SASS6: variants seen among roughly 807,000 people sequenced by gnomAD.
SASS6 encodes the protein SAS-6 centriolar assembly protein.
In SASS6, 59 loss-of-function variants were observed where a neutral mutation model predicts 94.9. That is an observed-to-expected ratio of 0.62 (90% CI 0.50 to 0.77). SASS6 has a LOEUF of 0.77. Ranked by LOEUF, SASS6 falls within the 30% of genes least tolerant of loss-of-function variation. The pLI, the probability that SASS6 is intolerant of heterozygous loss-of-function variation, is 0.00. For missense variants in SASS6, 698 were observed against 734.1 expected (o/e 0.95, Z 0.57); for synonymous variants, 264 against 270.0 (o/e 0.98, Z 0.22).
At position 100,112,813 on chromosome 1, in the gene SASS6, G is replaced by T. The variant is rs555009110; in HGVS notation, c.670-2330C>A. Among the ~76,000 whole-genome samples the T allele has an allele frequency of 1.5e-3, 233 of 152,302 alleles. 2 individuals carry two copies. The highest frequency in any genetic ancestry group is 3.4e-3 in the Middle Eastern group (1 of 294). On this transcript the variant is annotated intron_variant, in intron 7 of 16. Transcript: ENST00000287482. ...TCGGTATCAGCTAAGAACCTATCAG[G>T]AAATCAAGTTCCTGGACTCCACCCC...
chr1:100,128,845 C>G (rs1417039592), intron 1 of SASS6, among the ~76,000 whole-genome samples: 1 of 152,208 alleles, frequency 6.6e-6, no homozygotes, highest in East Asian at 1.9e-4. Context: ...TAGGCCATCT[C>G]TGACACCCAG....
Position 100,120,383 on chromosome 1 carries a change from A to C in SASS6, c.549+11T>G, listed in dbSNP as rs1570706865. 1 of 1,414,788 alleles carries C rather than the reference A, an allele frequency of 7.1e-7. No individual in the cohort carries two copies. The highest frequency in any genetic ancestry group is 2.3e-5 in the East Asian group (1 of 43,834). The allele number at this position is 1,414,788 out of a possible 1,614,324, so 87.6% of individuals were successfully genotyped here. A position where few individuals can be genotyped will look rare whatever the true frequency, so the allele number is the denominator to read the frequency against. Reference sequence around the variant, plus strand: ...GGATGACTTACAAAGACAAAATGAAATTTGAATTACCTTTCGTGTAAAGTC... The same window carrying C: ...GGATGACTTACAAAGACAAAATGAACTTTGAATTACCTTTCGTGTAAAGTC... On this transcript the variant is annotated intron_variant, in intron 6 of 16. Transcript: ENST00000287482.
chr1:100,105,952 T>C (rs2101660929), intron 12 of SASS6, 49 bp from the exon 13 acceptor site: 1 of 1,251,616 alleles, frequency 8.0e-7, no homozygotes, highest in East Asian at 2.5e-5. Context: ...ACTGTTTATT[T>C]TTCTAATCAT....
Position 100,106,940 on chromosome 1 carries a change from G to A in SASS6, c.1380C>T (p.Ser460=). ...TTTCATTATTTTTTAGAAGTTGTTT[G>A]CTTTCTTCAAGTTTTTTAACTGTAG... ...LEATVKKLEE[S]KQLLKNNEKL... Residue 460 remains serine (S), a synonymous_variant, in exon 12 of 17, where the codon AGC becomes AGT. Transcript: ENST00000287482. 7.1e-7 allele frequency: 1 copy of A among 1,406,642 alleles called. No individual in the cohort carries two copies. The highest frequency in any genetic ancestry group is 1.0e-6 in the Non-Finnish European group (1 of 995,964). The allele number at this position is 1,406,642 out of a possible 1,614,324, so 87.1% of individuals were successfully genotyped here.
At position 100,107,557 on chromosome 1, in the gene SASS6, T is replaced by C. The variant is rs768033326; in HGVS notation, c.1147-4A>G. The C allele has an allele frequency of 5.7e-6, 9 of 1,588,228 alleles. No individual in the cohort carries two copies. Among genetic ancestry groups the C allele is most frequent in the South Asian group, 1.1e-5 (1 of 87,596 alleles). On this transcript the variant is annotated splice_region_variant and splice_polypyrimidine_tract_variant and intron_variant, in intron 10 of 16. Transcript: ENST00000287482. ...ACTTCTTGATAATTTCATTTGCCTATAAAAGAGCTTCATATGTATATTTCT... is the reference window on the plus strand; with the variant it reads ...ACTTCTTGATAATTTCATTTGCCTACAAAAGAGCTTCATATGTATATTTCT...
At chr1:100,126,820 AG>A (rs1654655686) in intron 1 of SASS6, among the ~76,000 whole-genome samples, 1 of 152,242 alleles carries the variant, frequency 6.6e-6, no homozygotes, top group South Asian at 2.1e-4. Flanking sequence ...AAGCGATATT[AG>A]AATGCTTTGA....
chr1:100,129,833 A>C (rs1219018351), intron 1 of SASS6, among the ~76,000 whole-genome samples: 1 of 152,172 alleles, frequency 6.6e-6, no homozygotes, highest in African/African-American at 2.4e-5. Flanking sequence ...TGGGTTCCAA[A>C]ATTTTGCATA....
chr1:100,107,070 CTAAA>C (rs1652962369), intron 11 of SASS6, 77 bp from the exon 12 acceptor site: 1 of 652,814 alleles, frequency 1.5e-6, no homozygotes, highest in South Asian at 1.9e-5. Flanking sequence ...TTATTATTAA[CTAAA>C]TAATTACATA....
chr1:100,121,580 A>C, intron 4 of SASS6, 31 bp from the exon 5 acceptor site: 1 of 1,270,812 alleles, frequency 7.9e-7, no homozygotes, highest in Non-Finnish European at 1.1e-6. Flanking sequence ...ATTATAACAC[A>C]CTTAAGAGAT....
Position 100,083,836 on chromosome 1 carries a change from A to G in SASS6, c.*1492T>C, listed in dbSNP as rs1039267047. 3.9e-5 allele frequency: 6 copies of G among 152,022 alleles called. No homozygotes were observed. Among genetic ancestry groups the G allele is most frequent in the Non-Finnish European group, 8.8e-5 (6 of 67,928 alleles). 9.4% of individuals were successfully genotyped at this position (152,022 alleles called of 1,614,324 possible). ...TACCTATATTTTAAAAAAGAGAGCTACCTGTATGTCATGCATCCCATCCAA... is the reference window on the plus strand; with the variant it reads ...TACCTATATTTTAAAAAAGAGAGCTGCCTGTATGTCATGCATCCCATCCAA... On this transcript the variant is annotated 3_prime_UTR_variant, in exon 17 of 17. Coordinates refer to ENST00000287482, the MANE Select transcript of SASS6 (RefSeq NM_194292.3).
intron 5 of SASS6, among the ~76,000 whole-genome samples, 189 bp from the exon 6 acceptor site, chr1:100,120,648 C>T (rs535974352): frequency 2.6e-5 from 4 of 152,286 alleles, no homozygotes; most frequent in South Asian, 4.1e-4. Context: ...TGATCTATAG[C>T]ATTTGACTAG....
chr1:100,115,268 A>C (rs567154198), intron 7 of SASS6, among the ~76,000 whole-genome samples: 24 of 152,204 alleles, frequency 1.6e-4, no homozygotes, highest in Non-Finnish European at 3.1e-4. Flanking sequence ...TATAAATTTA[A>C]CCACAGTGGT....
chr1:100,118,392 C>T (rs1653944819), intron 7 of SASS6, among the ~76,000 whole-genome samples: 2 of 151,956 alleles, frequency 1.3e-5, no homozygotes, highest in South Asian at 4.1e-4. Flanking sequence ...TATACACTAC[C>T]TTATCTTTGG....
chr1:100,125,802 A>G, intron 2 of SASS6, 80 bp downstream of exon 2: 3 of 785,536 alleles, frequency 3.8e-6, no homozygotes, highest in Non-Finnish European at 6.5e-6. Flanking sequence ...ATGCAATAAA[A>G]GATGTCACAT....
intron 14 of SASS6, among the ~76,000 whole-genome samples, chr1:100,096,421 A>T (rs1225154374): frequency 2.0e-5 from 3 of 152,244 alleles, no homozygotes; most frequent in Non-Finnish European, 4.4e-5. Context: ...GTAACAACTA[A>T]AACTATAAAA....
intron 7 of SASS6, among the ~76,000 whole-genome samples, chr1:100,113,438 C>T (rs1395368856): frequency 6.6e-6 from 1 of 151,834 alleles, no homozygotes; most frequent in Non-Finnish European, 1.5e-5. Context: ...GAAACCCTGT[C>T]TCTACTAAAA....
At chr1:100,106,877 CA>C (rs777317640) in intron 12 of SASS6, 34 bp downstream of exon 12, 37 of 906,964 alleles carry the variant, frequency 4.1e-5, no homozygotes, top group Non-Finnish European at 6.1e-5. Context: ...AATAAAACTA[CA>C]AACCTCATTT....
At chr1:100,119,875 T>C (rs995460397) in intron 6 of SASS6, among the ~76,000 whole-genome samples, 18 of 152,206 alleles carry the variant, frequency 1.2e-4, no homozygotes, top group African/African-American at 4.3e-4. Flanking sequence ...ATCTCTTTTC[T>C]TTATAAATTA....
rs567063905 is a variant in SASS6, at chr1:100,093,711, C to T, written c.1675-5475G>A. ...CAGGAGGTGAGGCTGCAAGGAGCTG[C>T]GATCATGCCACTGTACTCCAGTCTG... On this transcript the variant is annotated intron_variant, in intron 14 of 16. Transcript: ENST00000287482. Among the ~76,000 whole-genome samples, 4 of 151,932 alleles carry T rather than the reference C, an allele frequency of 2.6e-5. No homozygotes were observed. The East Asian group carries it at 7.7e-4, about 29-fold the overall frequency.
Sources: gnomAD v4.1 joint callset for allele counts (sites outside exome capture counted in the v4.1 genomes callset) on GRCh38, gnomAD v4.1.1 for gene constraint, MANE v1.5 for transcripts, NCBI Gene and HGNC (gene_info 2026-07-23, HGNC 2026-07-21) for gene names.